AUTS2: variants seen among roughly 807,000 people sequenced by gnomAD.
The protein encoded by AUTS2 is autism susceptibility gene 2 protein.
AUTS2 carries 17 observed loss-of-function variants against 112.4 expected under a neutral mutation model. The observed-to-expected ratio is 0.15, with a 90% CI of 0.10 to 0.23. AUTS2 has a LOEUF of 0.23. Ranked by LOEUF, AUTS2 falls within the 10% of genes least tolerant of loss-of-function variation. The pLI, the probability that AUTS2 is intolerant of heterozygous loss-of-function variation, is 1.00. For synonymous variants in AUTS2, 751 were observed against 702.7 expected (o/e 1.07, Z -1.09); for missense variants, 1,510 against 1,701.6 (o/e 0.89, Z 1.98).
At chr7:69,636,480 GCCC>G (rs10652609) in intron 1 of AUTS2, among the ~76,000 whole-genome samples, 2 of 16,096 alleles carry the variant, frequency 1.2e-4, no homozygotes, top group African/African-American at 3.4e-4. Context: ...AGTGATCCGC[GCCC>G]CCCCCCCCCC....
At chr7:69,677,956 C>T (rs144372513) in intron 1 of AUTS2, among the ~76,000 whole-genome samples, 35 of 152,112 alleles carry the variant, frequency 2.3e-4, no homozygotes, top group African/African-American at 8.0e-4. Flanking sequence ...GGGACCTCTA[C>T]GAGTTCTCTG....
intron 5 of AUTS2, among the ~76,000 whole-genome samples, chr7:70,509,859 C>T (rs1489070116): frequency 1.3e-5 from 2 of 152,226 alleles, no homozygotes; most frequent in African/African-American, 2.4e-5. Context: ...GAGCAAGACT[C>T]TCAGCCTACA....
Position 70,670,991 on chromosome 7 carries a change from G to A in AUTS2, c.691-27578G>A, listed in dbSNP as rs1476856211. Among the ~76,000 whole-genome samples, 5 of 152,296 alleles carry A rather than the reference G, an allele frequency of 3.3e-5. No homozygotes were observed. The South Asian group carries it at 8.3e-4, about 25-fold the overall frequency. ...GTTCAAGACCAGCCTGGCCAACATGGTGAAATCCCATCTCTAATAAAAATA... is the reference window on the plus strand; with the variant it reads ...GTTCAAGACCAGCCTGGCCAACATGATGAAATCCCATCTCTAATAAAAATA... On this transcript the variant is annotated intron_variant, in intron 5 of 18. Coordinates refer to ENST00000342771, the MANE Select transcript of AUTS2 (RefSeq NM_015570.4).
intron 4 of AUTS2, among the ~76,000 whole-genome samples, chr7:70,330,488 C>T (rs1310950058): frequency 6.6e-6 from 1 of 152,196 alleles, no homozygotes; most frequent in Non-Finnish European, 1.5e-5. Context: ...GTCTGCGTGT[C>T]TATCCTTATG....
chr7:69,871,061 T>C (rs1260516021), intron 1 of AUTS2, among the ~76,000 whole-genome samples: 1 of 152,198 alleles, frequency 6.6e-6, no homozygotes, highest in East Asian at 1.9e-4. Context: ...TCAGAGGTTT[T>C]TATTTCACTT....
chr7:70,341,582 T>C (rs574123658), intron 4 of AUTS2, among the ~76,000 whole-genome samples: 1 of 152,344 alleles, frequency 6.6e-6, no homozygotes, highest in South Asian at 2.1e-4. Context: ...AGCACTGAGA[T>C]AGTTAGGACC....
Position 69,689,640 on chromosome 7 carries a change from TTTTATTTATTTATTTATTTATTTA to T in AUTS2, c.309+89710_309+89733del, listed in dbSNP as rs56128460. Among the ~76,000 whole-genome samples the T allele has an allele frequency of 6.2e-4, 74 of 119,464 alleles. 2 individuals are homozygous for T. Among genetic ancestry groups the T allele is most frequent in the African/African-American group, 1.4e-3 (44 of 31,224 alleles). The allele number at this position is 119,464 out of a possible 152,430, so 78.4% of individuals were successfully genotyped here. On this transcript the variant is annotated intron_variant, in intron 1 of 18. Transcript: ENST00000342771. ...CAGGCGTGAGCCACCGCACCCGGCC[TTTTATTTATTTATTTATTTATTTA>T]TTTATTTATTTATTTATTTATTTAT...
rs2129561635 is a variant in AUTS2, at chr7:70,790,376, C to T, written c.3160C>T (p.Pro1054Ser). 6.2e-7 allele frequency: 1 copy of T among 1,613,912 alleles called. No individual in the cohort carries two copies. The highest frequency in any genetic ancestry group is 1.1e-5 in the South Asian group (1 of 91,060). ...RMMTPFMGISPLPGGERFPYP... is the reference protein window; with the variant it reads ...RMMTPFMGISSLPGGERFPYP... ...GATGACCCCCTTCATGGGCATCAGC[C>T]CCCTCCCGGGCGGAGAGCGCTTCCC... Residue 1054 changes from proline (P) to serine (S), a missense_variant, in exon 19 of 19, where the codon CCC becomes TCC. Around this residue, in one of 3 missense-constraint regions of AUTS2, gnomAD observed 788 missense variants for 797.6 expected, o/e 0.99. Transcript: ENST00000342771. The surrounding 1 kb of genome is among the most constrained non-coding windows in gnomAD (Gnocchi z 7.6).
chr7:70,712,822 T>C (rs1192531749), intron 6 of AUTS2, among the ~76,000 whole-genome samples: 1 of 152,170 alleles, frequency 6.6e-6, no homozygotes, highest in Non-Finnish European at 1.5e-5. Flanking sequence ...TCTCAATCTG[T>C]CGGCCAGGCT....
intron 3 of AUTS2, among the ~76,000 whole-genome samples, chr7:70,125,343 A>G (rs1326505068): frequency 1.3e-5 from 2 of 152,020 alleles, no homozygotes; most frequent in Non-Finnish European, 2.9e-5. Flanking sequence ...TTTAGTCTAA[A>G]GATAATTTTT....
At chr7:69,740,061 G>A (rs1178562405) in intron 1 of AUTS2, among the ~76,000 whole-genome samples, 2 of 152,162 alleles carry the variant, frequency 1.3e-5, no homozygotes, top group African/African-American at 4.8e-5. Flanking sequence ...ATCAGCAGAG[G>A]ACATGTAGTT....
chr7:70,775,890 A>T (rs1206204153), intron 13 of AUTS2, among the ~76,000 whole-genome samples: 3 of 152,186 alleles, frequency 2.0e-5, no homozygotes. Flanking sequence ...CGAGGTCTGG[A>T]GACTGGCCAG....
At chr7:70,075,502 A>G (rs1407025092) in intron 2 of AUTS2, among the ~76,000 whole-genome samples, 2 of 152,218 alleles carry the variant, frequency 1.3e-5, no homozygotes, top group East Asian at 3.8e-4. Flanking sequence ...ATACGTTAAA[A>G]TATACTGTAG....
At chr7:69,947,019 A>G (rs1272552733) in intron 2 of AUTS2, among the ~76,000 whole-genome samples, 1 of 152,158 alleles carries the variant, frequency 6.6e-6, no homozygotes, top group African/African-American at 2.4e-5. Context: ...TAGAATTCAC[A>G]CTGCTTTTTT....
chr7:70,225,092 A>C (rs940539562), intron 4 of AUTS2, among the ~76,000 whole-genome samples: 1 of 152,106 alleles, frequency 6.6e-6, no homozygotes, highest in African/African-American at 2.4e-5. Context: ...TTGAAACTCT[A>C]TGTTTCTTCT....
chr7:69,885,029 T>C (rs561531448), intron 1 of AUTS2, among the ~76,000 whole-genome samples: 1 of 152,228 alleles, frequency 6.6e-6, no homozygotes, highest in African/African-American at 2.4e-5. Context: ...AATAGAAGAC[T>C]GGGGGTGAAG....
intron 5 of AUTS2, among the ~76,000 whole-genome samples, chr7:70,492,244 G>A (rs1187652984): frequency 2.6e-5 from 4 of 152,130 alleles, no homozygotes; most frequent in Non-Finnish European, 5.9e-5. Flanking sequence ...TTCCAAGATT[G>A]TATACTTAAT....
chr7:70,035,833 C>T (rs1800977671), intron 2 of AUTS2, among the ~76,000 whole-genome samples: 3 of 152,154 alleles, frequency 2.0e-5, no homozygotes, highest in Admixed American at 6.6e-5. Flanking sequence ...TCCTTCAATG[C>T]TCCTTCTATT....
intron 4 of AUTS2, among the ~76,000 whole-genome samples, chr7:70,234,556 C>T (rs909437021): frequency 2.0e-5 from 3 of 151,996 alleles, no homozygotes; most frequent in Non-Finnish European, 4.4e-5. Context: ...GTATTTTTAT[C>T]CTTGGTTTAC....
Sources: gnomAD v4.1 joint callset for allele counts (sites outside exome capture counted in the v4.1 genomes callset) on GRCh38, gnomAD v4.1.1 for gene constraint, gnomAD v4.1.1 regional missense constraint, Gnocchi (gnomAD v3.1) non-coding constraint, MANE v1.5 for transcripts, NCBI Gene and HGNC (gene_info 2026-07-23, HGNC 2026-07-21) for gene names.